PRKDC: variants seen among roughly 807,000 people sequenced by gnomAD.
The protein encoded by PRKDC is DNA-dependent protein kinase catalytic subunit.
PRKDC carries 82 observed loss-of-function variants against 486.9 expected under a neutral mutation model. That is an observed-to-expected ratio of 0.17 (90% CI 0.14 to 0.20). The LOEUF (loss-of-function observed/expected upper bound fraction) is 0.20, where lower values mean the gene tolerates loss of function less well. Among genes scored for constraint, PRKDC ranks in the 10% least tolerant of loss-of-function variants. The pLI, the probability that PRKDC is intolerant of heterozygous loss-of-function variation, is 1.00. For synonymous variants in PRKDC, 1,895 were observed against 1,837.0 expected (o/e 1.03, Z -0.81); for missense variants, 4,504 against 5,038.2 (o/e 0.89, Z 3.21).
At position 47,897,000 on chromosome 8, in the gene PRKDC, C is replaced by T. The variant is rs570423747; in HGVS notation, c.3598+161G>A. Among the ~76,000 whole-genome samples the T allele has an allele frequency of 2.0e-5, 3 of 152,294 alleles. No individual in the cohort carries two copies. The East Asian group carries it at 5.8e-4, about 29-fold the overall frequency. ...CTGGCAATTTCTTATTAATCACATG[C>T]TGAAACAGAACTGCATTACCTCATC... is the stretch of plus-strand genomic sequence containing the variant. On this transcript the variant is annotated intron_variant, in intron 30 of 85. Coordinates refer to ENST00000314191, the MANE Select transcript of PRKDC (RefSeq NM_006904.7).
chr8:47,803,751 A>G (rs2154498367), intron 69 of PRKDC, among the ~76,000 whole-genome samples: 1 of 152,244 alleles, frequency 6.6e-6, no homozygotes, highest in Non-Finnish European at 1.5e-5. Flanking sequence ...GGAATTTGAA[A>G]CCAGACTAGG....
chr8:47,954,820 G>C (rs557777234), intron 4 of PRKDC, among the ~76,000 whole-genome samples: 1 of 152,234 alleles, frequency 6.6e-6, no homozygotes, highest in East Asian at 1.9e-4. Context: ...AAAAAAAACA[G>C]AAACAGGTCA....
At chr8:47,793,775 T>TA (rs1351835660) in intron 74 of PRKDC, among the ~76,000 whole-genome samples, 6 of 149,670 alleles carry the variant, frequency 4.0e-5, no homozygotes, top group African/African-American at 9.9e-5. Flanking sequence ...TGCTCATAAT[T>TA]AAAAACAAAC....
At position 47,863,128 on chromosome 8, in the gene PRKDC, A is replaced by G. The variant is rs549566310; in HGVS notation, c.5750+271T>C. On this transcript the variant is annotated intron_variant, in intron 42 of 85. Coordinates refer to ENST00000314191, the MANE Select transcript of PRKDC (RefSeq NM_006904.7). ...AAATCACAGCACTAAAAATATATCA[A>G]GCTATTCAAGGGGAAAAACAGTAGG... Among the ~76,000 whole-genome samples, 19 of 152,356 alleles carry G rather than the reference A, an allele frequency of 1.2e-4. No homozygotes were observed. In the South Asian group the frequency reaches 3.9e-3, roughly 32 times the overall value.
At chr8:47,819,665 CA>C (rs1328198900) in intron 66 of PRKDC, among the ~76,000 whole-genome samples, 155 bp from the exon 67 acceptor site, 3 of 151,916 alleles carry the variant, frequency 2.0e-5, no homozygotes, top group Non-Finnish European at 2.9e-5. Context: ...AGATCACAGA[CA>C]GTTAACAAAT....
intron 55 of PRKDC, 151 bp downstream of exon 55, chr8:47,839,865 G>A (rs1391546573): frequency 5.3e-6 from 3 of 563,330 alleles, no homozygotes; most frequent in Admixed American, 3.6e-5. Flanking sequence ...ACCCAGCTAC[G>A]CAAAAGGCTG....
chr8:47,876,001 A>G (rs1029346922), intron 40 of PRKDC, among the ~76,000 whole-genome samples: 6 of 152,242 alleles, frequency 3.9e-5, no homozygotes, highest in Admixed American at 3.9e-4. Context: ...GAAGCCAGGA[A>G]TAAGAGATCA....
rs186986030 is a variant in PRKDC at position 47,894,369 on chromosome 8, T to C, written c.3599-982A>G. Among the ~76,000 whole-genome samples, 367 of 152,160 alleles carry C rather than the reference T, an allele frequency of 2.4e-3. 2 individuals carry two copies. Among genetic ancestry groups the C allele is most frequent in the African/African-American group, 8.5e-3 (354 of 41,506 alleles). ...TTTCACTAAGAGACAAAGAAATGTA[T>C]AATAATGAGCAAAAAATAAATAGTA... On this transcript the variant is annotated intron_variant, in intron 30 of 85. Coordinates refer to ENST00000314191, the MANE Select transcript of PRKDC (RefSeq NM_006904.7).
chr8:47,871,762 C>T (rs760007196), intron 40 of PRKDC, among the ~76,000 whole-genome samples: 1 of 152,144 alleles, frequency 6.6e-6, no homozygotes, highest in African/African-American at 2.4e-5. Flanking sequence ...CCACGCCTGG[C>T]TTATTTTTAG....
Position 47,798,229 on chromosome 8 carries a change from A to C in PRKDC, c.10458+8T>G. ...TTCCTTACCGCCAAGTAGAATAAAG[A>C]CACCAACCTCTTTTGTCATGAGGCT... On this transcript the variant is annotated splice_region_variant and intron_variant, in intron 73 of 85. Transcript: ENST00000314191. The C allele has an allele frequency of 6.2e-7, 1 of 1,606,322 alleles. No homozygotes were observed. Among genetic ancestry groups the C allele is most frequent in the Non-Finnish European group, 8.5e-7 (1 of 1,177,962 alleles).
intron 31 of PRKDC, among the ~76,000 whole-genome samples, chr8:47,892,400 G>C (rs1014303974): frequency 6.6e-6 from 1 of 151,968 alleles, no homozygotes; most frequent in Non-Finnish European, 1.5e-5. Context: ...GCACAATCAC[G>C]GCTCACTGTA....
rs534307043 is a variant in PRKDC, at chr8:47,917,688, GT to G, written c.2526+588del. 5.3e-5 allele frequency among the ~76,000 whole-genome samples: 8 copies of G among 152,118 alleles called. No individual in the cohort carries two copies. The East Asian group carries it at 1.5e-3, about 29-fold the overall frequency. ...ATTTAAGATCTAAGCATAAATGAAA[GT>G]CTTACATATCCCTGGTATCAGTATT... On this transcript the variant is annotated intron_variant, in intron 22 of 85. Transcript: ENST00000314191.
chr8:47,913,862 T>C (rs1469551912), intron 24 of PRKDC, 39 bp downstream of exon 24: 2 of 1,536,756 alleles, frequency 1.3e-6, no homozygotes, highest in African/African-American at 2.8e-5. Context: ...TTTAAAGCAA[T>C]AGGATCTAAA....
intron 7 of PRKDC, among the ~76,000 whole-genome samples, chr8:47,945,660 A>G (rs925787587): frequency 5.3e-5 from 8 of 152,118 alleles, no homozygotes; most frequent in Non-Finnish European, 8.8e-5. Context: ...CTGGATGAAC[A>G]CTTGGGTGGT....
intron 54 of PRKDC, among the ~76,000 whole-genome samples, chr8:47,845,315 A>AC (rs1240987927): frequency 1.3e-5 from 2 of 151,926 alleles, no homozygotes; most frequent in Non-Finnish European, 2.9e-5. Context: ...ATTGTGATCC[A>AC]AAAATCTACA....
chr8:47,925,937 T>C (rs1228027078), intron 21 of PRKDC, among the ~76,000 whole-genome samples: 1 of 152,214 alleles, frequency 6.6e-6, no homozygotes, highest in Non-Finnish European at 1.5e-5. Flanking sequence ...CTTCTGTCTC[T>C]AACATGATAG....
intron 7 of PRKDC, among the ~76,000 whole-genome samples, chr8:47,951,345 A>G (rs906501616): frequency 6.6e-6 from 1 of 151,950 alleles, no homozygotes; most frequent in Non-Finnish European, 1.5e-5. Flanking sequence ...TGGGCAACAG[A>G]GTGAGACCCT....
intron 7 of PRKDC, among the ~76,000 whole-genome samples, chr8:47,945,730 CT>C (rs148411126): frequency 1.3e-5 from 2 of 151,138 alleles, no homozygotes; most frequent in African/African-American, 2.4e-5. Context: ...AAATTCTATC[CT>C]TTTTTTTTGA....
chr8:47,813,816 C>T (rs1589714662), intron 68 of PRKDC, among the ~76,000 whole-genome samples: 1 of 152,124 alleles, frequency 6.6e-6, no homozygotes, highest in Non-Finnish European at 1.5e-5. Context: ...TCAGGTGATC[C>T]GCCCACCTTG....
Sources: allele counts gnomAD v4.1 joint callset (sites outside exome capture counted in the v4.1 genomes callset), GRCh38; gene constraint gnomAD v4.1.1; transcripts MANE v1.5; gene names NCBI Gene and HGNC (gene_info 2026-07-23, HGNC 2026-07-21).